Variants in VRK2 observed in about 807,000 individuals in gnomAD.
The protein encoded by VRK2 is serine/threonine-protein kinase VRK2.
A neutral mutation model predicts 57.6 loss-of-function variants in VRK2; 60 were observed. The observed-to-expected ratio is 1.04, with a 90% CI of 0.85 to 1.29. The LOEUF (loss-of-function observed/expected upper bound fraction) is 1.29, where lower values mean the gene tolerates loss of function less well. Ranked by LOEUF, VRK2 falls within the 50% of genes most tolerant of loss-of-function variation. The pLI is 0.00. For synonymous variants in VRK2, 231 were observed against 199.2 expected, an observed-to-expected ratio of 1.16 and a Z score of -1.35; for missense variants, 705 against 588.1, an observed-to-expected ratio of 1.20 and a Z score of -2.06.
At chr2:57,995,916 A>G (rs1672909591) in intron 1 of VRK2, among the ~76,000 whole-genome samples, 1 of 152,212 alleles carries the variant, frequency 6.6e-6, no homozygotes, top group Non-Finnish European at 1.5e-5. Context: ...AGCAAAGTGC[A>G]CTCAGTCTTC....
intron 3 of VRK2, among the ~76,000 whole-genome samples, chr2:58,039,254 G>A (rs917245525): frequency 1.3e-5 from 2 of 152,024 alleles, no homozygotes; most frequent in East Asian, 1.9e-4. Context: ...AAAGATAACC[G>A]AAAGCAATGT....
intron 2 of VRK2, chr2:58,026,746 T>C (rs1292356959): frequency 1.3e-5 from 2 of 152,166 alleles, no homozygotes; most frequent in East Asian, 3.9e-4. Flanking sequence ...TGAGACAGGG[T>C]CTCATTCTGT....
chr2:57,914,165 T>A (rs902076157), intron 1 of VRK2, among the ~76,000 whole-genome samples: 2 of 151,980 alleles, frequency 1.3e-5, no homozygotes, highest in Admixed American at 6.6e-5. Context: ...ATTAAATACA[T>A]CTGTATTAAT....
intron 1 of VRK2, among the ~76,000 whole-genome samples, chr2:57,944,181 C>T (rs1262211817): frequency 6.6e-6 from 1 of 152,214 alleles, no homozygotes; most frequent in African/African-American, 2.4e-5. Context: ...TTCATGACAT[C>T]CATCTTTTGG....
At chr2:58,118,895 G>T (rs1027692564) in intron 7 of VRK2, among the ~76,000 whole-genome samples, 3 of 152,202 alleles carry the variant, frequency 2.0e-5, no homozygotes, top group African/African-American at 7.2e-5. Context: ...GGGCAGGGGC[G>T]GGGGTCACAA....
chr2:58,120,184 CTT>C (rs397868874), intron 7 of VRK2, among the ~76,000 whole-genome samples: 1,094 of 51,814 alleles, frequency 0.021, 7 homozygotes, highest in African/African-American at 0.1. Context: ...TTTTTCTTTT[CTT>C]TTTTTTTTTT....
At chr2:57,921,379 C>G (rs975673687) in intron 1 of VRK2, among the ~76,000 whole-genome samples, 5 of 151,840 alleles carry the variant, frequency 3.3e-5, no homozygotes, top group Non-Finnish European at 5.9e-5. Flanking sequence ...ATCTCCCACC[C>G]TTGCAAAATG....
At chr2:58,090,210 A>G (rs1308879214) in intron 7 of VRK2, among the ~76,000 whole-genome samples, 1 of 152,134 alleles carries the variant, frequency 6.6e-6, no homozygotes, top group Non-Finnish European at 1.5e-5. Context: ...AGCCTGGCCA[A>G]CATGGTGAAA....
At position 58,071,278 on chromosome 2, in the gene VRK2, G is replaced by C. The variant is rs1010041229; in HGVS notation, c.137-12811G>C. On this transcript the variant is annotated intron_variant, in intron 2 of 12. Transcript: ENST00000340157. ...TTATTATTTTCTTAACAGTGTCTTT[G>C]ACAGAGCAGAAAATTTTTAATGTTA... Among the ~76,000 whole-genome samples, 11 of 152,026 alleles carry C rather than the reference G, an allele frequency of 7.2e-5. No individual in the cohort carries two copies. The East Asian group carries it at 1.2e-3, about 16-fold the overall frequency.
intron 1 of VRK2, among the ~76,000 whole-genome samples, chr2:57,987,807 G>T (rs1440094619): frequency 6.6e-6 from 1 of 152,044 alleles, no homozygotes; most frequent in East Asian, 1.9e-4. Flanking sequence ...ATAAAATACT[G>T]CTCAATGAAA....
chr2:58,076,489 A>T (rs1037709451), intron 2 of VRK2, among the ~76,000 whole-genome samples: 1 of 152,056 alleles, frequency 6.6e-6, no homozygotes, highest in Non-Finnish European at 1.5e-5. Flanking sequence ...CTGAATGCAC[A>T]GTGCTTTTTC....
upstream of VRK2, among the ~76,000 whole-genome samples, chr2:58,043,162 A>C (rs926758628): frequency 6.6e-6 from 1 of 152,226 alleles, no homozygotes. Context: ...CAAGAAATAT[A>C]AAAACCAATG....
At chr2:58,026,057 G>A (rs564471637) in intron 2 of VRK2, among the ~76,000 whole-genome samples, 4 of 152,142 alleles carry the variant, frequency 2.6e-5, no homozygotes, top group African/African-American at 9.6e-5. Flanking sequence ...ACTCTACTGG[G>A]GGATTTTAAT....
At chr2:58,045,025 T>C (rs1674633080), upstream of VRK2, among the ~76,000 whole-genome samples, 1 of 152,174 alleles carries the variant, frequency 6.6e-6, no homozygotes. Flanking sequence ...AGGCTGACTG[T>C]CAATAGTGCC....
intron 2 of VRK2, among the ~76,000 whole-genome samples, chr2:58,068,806 C>T (rs569190898): frequency 2.4e-4 from 24 of 98,218 alleles, no homozygotes; most frequent in African/African-American, 1.2e-3. Context: ...ATTGCACCCC[C>T]TCAGGAAAAA....
intron 1 of VRK2, among the ~76,000 whole-genome samples, chr2:57,953,405 G>A (rs1351836619): frequency 1.3e-5 from 2 of 152,048 alleles, no homozygotes; most frequent in Non-Finnish European, 2.9e-5. Context: ...TATTGATAGG[G>A]CATTTTTCTT....
intron 7 of VRK2, among the ~76,000 whole-genome samples, chr2:58,099,708 C>T (rs1249081973): frequency 6.6e-6 from 1 of 152,036 alleles, no homozygotes; most frequent in Non-Finnish European, 1.5e-5. Context: ...TACCTGTGTT[C>T]TTTAAAAACA....
chr2:57,957,158 TG>T (rs1297650762), intron 1 of VRK2, among the ~76,000 whole-genome samples: 2 of 152,168 alleles, frequency 1.3e-5, no homozygotes, highest in African/African-American at 2.4e-5. Flanking sequence ...CTTTTATAAT[TG>T]AAGTAGAACA....
Position 58,147,190 on chromosome 2 carries a change from C to T in VRK2, c.1182+716C>T, listed in dbSNP as rs777563829. The T allele has an allele frequency of 5.8e-6, 3 of 517,948 alleles. 1 individual carries two copies. In the East Asian group the frequency reaches 1.6e-4, roughly 28 times the overall value. 32.1% of individuals were successfully genotyped at this position (517,948 alleles called of 1,614,324 possible). On this transcript the variant is annotated intron_variant, in intron 12 of 12. Coordinates refer to ENST00000340157, the MANE Select transcript of VRK2 (RefSeq NM_006296.7). ...GGCAGCTGGGATATTAATCACTAAACTGAGCACTGAATTTGGCTCTGAACT... is the reference window on the plus strand; with the variant it reads ...GGCAGCTGGGATATTAATCACTAAATTGAGCACTGAATTTGGCTCTGAACT...
Sources: allele counts gnomAD v4.1 joint callset (sites outside exome capture counted in the v4.1 genomes callset), GRCh38; gene constraint gnomAD v4.1.1; transcripts MANE v1.5; gene names NCBI Gene and HGNC (gene_info 2026-07-23, HGNC 2026-07-21).